KHDRBS2: variants seen among roughly 807,000 people sequenced by gnomAD.
KHDRBS2 encodes KH RNA binding domain containing, signal transduction associated 2, also known as KH domain-containing, RNA-binding, signal transduction-associated protein 2.
A neutral mutation model predicts 44.3 loss-of-function variants in KHDRBS2; 26 were observed. The observed-to-expected ratio is 0.59, with a 90% confidence interval of 0.43 to 0.81. The LOEUF is 0.81. KHDRBS2 is among the 40% of genes least tolerant of loss of function. KHDRBS2 has a pLI of 0.00. For synonymous variants in KHDRBS2, 194 were observed against 151.1 expected (o/e 1.28, Z -2.08); for missense variants, 476 against 433.1 (o/e 1.10, Z -0.88).
At chr6:61,568,692 A>G in the KHDRBS2 span, among the ~76,000 whole-genome samples, 1 of 152,156 alleles carries the variant, frequency 6.6e-6, no homozygotes, top group Non-Finnish European at 1.5e-5. Context: ...TAGATCTTAC[A>G]TGGATTTAGG....
chr6:62,058,771 C>A (rs1447528665), intron 2 of KHDRBS2, among the ~76,000 whole-genome samples: 5 of 151,452 alleles, frequency 3.3e-5, no homozygotes, highest in Admixed American at 1.3e-4. Flanking sequence ...AGGTTTCTAC[C>A]AAAGAAAACC....
intron 3 of KHDRBS2, among the ~76,000 whole-genome samples, chr6:62,020,504 T>TGTACAAATTATA: frequency 6.6e-6 from 1 of 152,168 alleles, no homozygotes; most frequent in South Asian, 2.1e-4. Flanking sequence ...CTATCCTTAA[T>TGTACAAATTATA]GATTGTCTAC....
At chr6:61,996,173 A>G (rs978271544) in intron 3 of KHDRBS2, among the ~76,000 whole-genome samples, 2 of 152,206 alleles carry the variant, frequency 1.3e-5, no homozygotes, top group African/African-American at 4.8e-5. Context: ...AAATGTTTTA[A>G]TACTTTATAA....
chr6:61,578,254 C>T, the KHDRBS2 span, among the ~76,000 whole-genome samples: 2 of 152,220 alleles, frequency 1.3e-5, no homozygotes, highest in East Asian at 3.9e-4. Context: ...TGGCACATTG[C>T]ATCAACATTT....
intron 2 of KHDRBS2, among the ~76,000 whole-genome samples, chr6:62,108,161 T>G (rs917210721): frequency 6.6e-6 from 1 of 151,962 alleles, no homozygotes; most frequent in Non-Finnish European, 1.5e-5. Flanking sequence ...ACAGGCAACC[T>G]ACAAAATGGG....
chr6:62,266,917 TA>T (rs1316465891), intron 1 of KHDRBS2, among the ~76,000 whole-genome samples: 7 of 152,164 alleles, frequency 4.6e-5, no homozygotes, highest in South Asian at 2.1e-4. Context: ...AACATTCAAA[TA>T]AAAAATATTT....
At chr6:61,949,047 C>G (rs548346560) in intron 4 of KHDRBS2, among the ~76,000 whole-genome samples, 1 of 152,156 alleles carries the variant, frequency 6.6e-6, no homozygotes, top group East Asian at 1.9e-4. Flanking sequence ...CTTTTGGGAG[C>G]TAACCTTCCT....
intron 6 of KHDRBS2, among the ~76,000 whole-genome samples, chr6:61,848,563 G>GTATATATATATATATATATATATA (rs1410985585): frequency 4.5e-5 from 1 of 22,188 alleles, no homozygotes; most frequent in African/African-American, 3.7e-4. Flanking sequence ...ATATATATAT[G>GTATATATATATATATATATATATA]TATATATATA....
chr6:61,592,298 G>T, the KHDRBS2 span, among the ~76,000 whole-genome samples: 2 of 151,898 alleles, frequency 1.3e-5, no homozygotes, highest in African/African-American at 2.4e-5. Context: ...CAAAGAAAAG[G>T]CCAGATGGTT....
intron 4 of KHDRBS2, among the ~76,000 whole-genome samples, chr6:61,919,511 G>A (rs1220766728): frequency 6.6e-6 from 1 of 151,778 alleles, no homozygotes; most frequent in Non-Finnish European, 1.5e-5. Flanking sequence ...AATCATTTTT[G>A]TAAACCAGCT....
At chr6:61,747,042 GA>G (rs66854016) in intron 6 of KHDRBS2, among the ~76,000 whole-genome samples, 6,785 of 141,534 alleles carry the variant, frequency 0.048, 396 homozygotes, top group African/African-American at 0.14. Context: ...GAAAAAAAAA[GA>G]AAAAAAAAAA....
chr6:62,121,767 T>C (rs1271580642), intron 2 of KHDRBS2, among the ~76,000 whole-genome samples: 1 of 152,190 alleles, frequency 6.6e-6, no homozygotes, highest in Non-Finnish European at 1.5e-5. Flanking sequence ...TGATTGGATC[T>C]AGTGAGCAAG....
intron 6 of KHDRBS2, among the ~76,000 whole-genome samples, chr6:61,807,972 G>T (rs565156705): frequency 6.6e-6 from 1 of 151,930 alleles, no homozygotes; most frequent in African/African-American, 2.4e-5. Context: ...GTCATGTTAC[G>T]GAGAGATCTG....
At chr6:62,059,765 C>G (rs1469135946) in intron 2 of KHDRBS2, among the ~76,000 whole-genome samples, 1 of 151,314 alleles carries the variant, frequency 6.6e-6, no homozygotes, top group Admixed American at 6.6e-5. Context: ...TATTTCAAGT[C>G]ATGAAATTGC....
chr6:62,275,171 T>C lies in KHDRBS2; in HGVS notation c.91+10687A>G, dbSNP rs372666269. On this transcript the variant is annotated intron_variant, in intron 1 of 8. Coordinates refer to ENST00000281156, the MANE Select transcript of KHDRBS2 (RefSeq NM_152688.4). ...GTTTTATTCTAACAGATTTTCCCTA[T>C]GTAGAGATGACACAATATCCAATCT... Among the ~76,000 whole-genome samples the C allele has an allele frequency of 1.1e-4, 16 of 152,286 alleles. 1 individual carries two copies. The highest frequency in any genetic ancestry group is 5.9e-4 in the Admixed American group (9 of 15,286).
intron 6 of KHDRBS2, among the ~76,000 whole-genome samples, chr6:61,824,858 T>C (rs1790587082): frequency 6.6e-6 from 1 of 152,144 alleles, no homozygotes. Flanking sequence ...CTAAGCTTCC[T>C]AAAAATCAAA....
At chr6:62,190,040 A>G (rs1191791876) in intron 1 of KHDRBS2, among the ~76,000 whole-genome samples, 1 of 152,094 alleles carries the variant, frequency 6.6e-6, no homozygotes, top group Non-Finnish European at 1.5e-5. Context: ...ATCGCCAAGG[A>G]CTGAGCCCAG....
chr6:62,181,242 A>G (rs1404510142), intron 1 of KHDRBS2, among the ~76,000 whole-genome samples: 4 of 151,982 alleles, frequency 2.6e-5, no homozygotes, highest in Non-Finnish European at 4.4e-5. Context: ...GAAACAGTCA[A>G]CAAAATGAAA....
At chr6:61,632,760 C>T in the KHDRBS2 span, among the ~76,000 whole-genome samples, 1 of 152,196 alleles carries the variant, frequency 6.6e-6, no homozygotes, top group African/African-American at 2.4e-5. Flanking sequence ...TGGTTCACCT[C>T]AAATTCATCG....
Sources: allele counts gnomAD v4.1 joint callset (sites outside exome capture counted in the v4.1 genomes callset), GRCh38; gene constraint gnomAD v4.1.1; transcripts MANE v1.5; gene names NCBI Gene and HGNC (gene_info 2026-07-23, HGNC 2026-07-21).